The following COL26A1 variants were observed in gnomAD, a reference collection of about 807,000 sequenced individuals.
COL26A1 encodes collagen type XXVI alpha 1 chain, also known as collagen alpha-1(XXVI) chain.
Under a neutral mutation model 59.3 loss-of-function variants are expected in COL26A1, and 41 were observed. The observed-to-expected ratio is 0.69, with a 90% CI of 0.54 to 0.90. COL26A1 has a LOEUF of 0.90. Among genes scored for constraint, COL26A1 ranks in the 40% least tolerant of loss-of-function variants. COL26A1 has a pLI of 0.00. For missense variants in COL26A1, 612 were observed against 602.3 expected (o/e 1.02, Z -0.17); for synonymous variants, 266 against 256.0 (o/e 1.04, Z -0.37).
chr7:101,411,462 G>A (rs1231239581), intron 1 of COL26A1, among the ~76,000 whole-genome samples: 1 of 152,134 alleles, frequency 6.6e-6, no homozygotes, highest in Non-Finnish European at 1.5e-5. Flanking sequence ...GGACCACCAT[G>A]GGAGGGGCGT....
chr7:101,440,830 G>C (rs1470557357), intron 2 of COL26A1, among the ~76,000 whole-genome samples: 1 of 151,984 alleles, frequency 6.6e-6, no homozygotes, highest in East Asian at 1.9e-4. Flanking sequence ...GCTAAAATTA[G>C]GTTAAAAATA....
chr7:101,435,191 G>A (rs554169705), intron 2 of COL26A1, among the ~76,000 whole-genome samples: 9 of 152,260 alleles, frequency 5.9e-5, no homozygotes, highest in African/African-American at 1.9e-4. Context: ...CAGGTGTGAT[G>A]GCGGTTGCTC....
chr7:101,545,390 C>T lies in COL26A1; in HGVS notation c.756C>T (p.Pro252=), dbSNP rs369139322. The T allele has an allele frequency of 1.8e-4, 284 of 1,589,860 alleles. No homozygotes were observed. The highest frequency in any genetic ancestry group is 8.1e-4 in the African/African-American group (59 of 73,072). The change falls in exon 7 of 13, where the codon CCC becomes CCT. Residue 252 remains proline, a synonymous_variant. Coordinates refer to ENST00000313669, the MANE Select transcript of COL26A1 (RefSeq NM_001278563.3). ...GGCTTCCTGGAGAGATGGGGCGCCC[C>T]GGCCCCCCAGGACCACCCGGCCCAG... The part of the protein sequence containing the change: ...PRGLPGEMGR[P]GPPGPPGPAG...
chr7:101,487,627 C>T (rs1489425341), intron 3 of COL26A1, among the ~76,000 whole-genome samples: 2 of 152,194 alleles, frequency 1.3e-5, no homozygotes, highest in Non-Finnish European at 2.9e-5. Context: ...CTCCTCCCAC[C>T]TCTGAGATGC....
At chr7:101,406,662 A>T (rs923835470) in intron 1 of COL26A1, among the ~76,000 whole-genome samples, 25 of 151,986 alleles carry the variant, frequency 1.6e-4, no homozygotes, top group African/African-American at 6.0e-4. Context: ...AAAACTTTCC[A>T]TGTGTTGGCC....
chr7:101,488,774 CAATTA>C (rs1257814481), intron 3 of COL26A1, among the ~76,000 whole-genome samples: 1 of 152,148 alleles, frequency 6.6e-6, no homozygotes, highest in Non-Finnish European at 1.5e-5. Flanking sequence ...TTCATTGTCC[CAATTA>C]AATTGCAGAC....
intron 4 of COL26A1, among the ~76,000 whole-genome samples, chr7:101,535,011 G>A (rs1795452347): frequency 6.6e-6 from 1 of 152,216 alleles, no homozygotes; most frequent in Non-Finnish European, 1.5e-5. Flanking sequence ...ATGAACACAG[G>A]TGTGCGGGAG....
chr7:101,434,065 CCTCCCTCCCTCCCTCCCTCCCTCCCTCT>C (rs1562976871), intron 2 of COL26A1, among the ~76,000 whole-genome samples: 8 of 119,316 alleles, frequency 6.7e-5, no homozygotes, highest in Non-Finnish European at 1.2e-4. Flanking sequence ...TCCCTCCCTC[CCTCCCTCCCTCCCTCCCTCCCTCCCTCT>C]TTCTTTCTGC....
intron 1 of COL26A1, among the ~76,000 whole-genome samples, chr7:101,397,208 G>T (rs1791875779): frequency 6.6e-6 from 1 of 152,066 alleles, no homozygotes; most frequent in African/African-American, 2.4e-5. Flanking sequence ...ATGTTTCTGT[G>T]ATTCTTTGTG....
intron 1 of COL26A1, among the ~76,000 whole-genome samples, chr7:101,417,231 G>A (rs1792391372): frequency 6.6e-6 from 1 of 152,094 alleles, no homozygotes; most frequent in Non-Finnish European, 1.5e-5. Context: ...GGTATCTGGG[G>A]TTTTCCATTA....
At chr7:101,450,135 A>G (rs1267165590) in intron 3 of COL26A1, among the ~76,000 whole-genome samples, 5 of 151,894 alleles carry the variant, frequency 3.3e-5, no homozygotes, top group Non-Finnish European at 7.4e-5. Context: ...AAAAAAAAAA[A>G]AAAAGATACA....
intron 3 of COL26A1, among the ~76,000 whole-genome samples, chr7:101,530,701 C>T (rs114709655): frequency 0.03 from 4,576 of 151,750 alleles, 88 homozygotes; most frequent in Middle Eastern, 0.092. Context: ...CAAATGTCAG[C>T]GTCGGTGGGT....
chr7:101,462,149 G>A (rs946012805), intron 3 of COL26A1, among the ~76,000 whole-genome samples: 1 of 151,276 alleles, frequency 6.6e-6, no homozygotes, highest in Non-Finnish European at 1.5e-5. Context: ...ACAGGTGCCC[G>A]CCTCCACGCC....
intron 10 of COL26A1, among the ~76,000 whole-genome samples, chr7:101,551,720 T>G (rs1298479088): frequency 6.7e-6 from 1 of 149,758 alleles, no homozygotes; most frequent in African/African-American, 2.5e-5. Flanking sequence ...CACTGCAGCC[T>G]GGGTGACAGA....
intron 2 of COL26A1, among the ~76,000 whole-genome samples, chr7:101,440,298 G>A (rs866454364): frequency 6.8e-5 from 8 of 117,896 alleles, no homozygotes; most frequent in African/African-American, 2.0e-4. Flanking sequence ...CCCGGGAGGT[G>A]AAGGCTGCAG....
chr7:101,425,347 G>A (rs10253724), intron 2 of COL26A1, among the ~76,000 whole-genome samples: 19,205 of 152,050 alleles, frequency 0.13, 1,505 homozygotes, highest in African/African-American at 0.23. Flanking sequence ...ATTGCTCATC[G>A]TCTGCCCGCT....
At chr7:101,364,021 G>A (rs1790979631) in intron 1 of COL26A1, among the ~76,000 whole-genome samples, 1 of 152,124 alleles carries the variant, frequency 6.6e-6, no homozygotes, top group Non-Finnish European at 1.5e-5. Context: ...GGCTGGGATC[G>A]GGTGGCTCCG....
chr7:101,438,709 G>A (rs1323600242), intron 2 of COL26A1, among the ~76,000 whole-genome samples: 1 of 151,126 alleles, frequency 6.6e-6, no homozygotes, highest in African/African-American at 2.4e-5. Context: ...TCAATCTTGC[G>A]GTCCAGGCTG....
At chr7:101,410,852 C>A (rs2130239857) in intron 1 of COL26A1, among the ~76,000 whole-genome samples, 1 of 152,288 alleles carries the variant, frequency 6.6e-6, no homozygotes, top group Non-Finnish European at 1.5e-5. Flanking sequence ...CATGAGGCAC[C>A]ACACCCAGCT....
Sources: allele counts gnomAD v4.1 joint callset (sites outside exome capture counted in the v4.1 genomes callset), GRCh38; gene constraint gnomAD v4.1.1; transcripts MANE v1.5; gene names NCBI Gene and HGNC (gene_info 2026-07-23, HGNC 2026-07-21).